ENTPD1: variants seen among roughly 807,000 people sequenced by gnomAD.
ENTPD1 encodes ectonucleoside triphosphate diphosphohydrolase 1.
A neutral mutation model predicts 57.0 loss-of-function variants in ENTPD1; 33 were observed. That is an observed-to-expected ratio of 0.58 (90% CI 0.44 to 0.77). ENTPD1 has a LOEUF of 0.77. Among genes scored for constraint, ENTPD1 ranks in the 30% least tolerant of loss-of-function variants. The pLI is 0.00. For missense variants in ENTPD1, 501 were observed against 603.4 expected (o/e 0.83, Z 1.78); for synonymous variants, 202 against 218.8 (o/e 0.92, Z 0.68).
At chr10:95,833,220 T>G (rs2098401544) in intron 2 of ENTPD1, among the ~76,000 whole-genome samples, 1 of 152,238 alleles carries the variant, frequency 6.6e-6, no homozygotes, top group Non-Finnish European at 1.5e-5. Flanking sequence ...CACAACAATG[T>G]GAATATCCTT....
intron 1 of ENTPD1, among the ~76,000 whole-genome samples, chr10:95,780,449 A>G (rs1000765928): frequency 2.6e-5 from 4 of 152,270 alleles, no homozygotes; most frequent in African/African-American, 7.2e-5. Flanking sequence ...TAAAACAGCA[A>G]TGACCTCAAG....
At chr10:95,829,644 T>G in intron 2 of ENTPD1, among the ~76,000 whole-genome samples, 1 of 152,194 alleles carries the variant, frequency 6.6e-6, no homozygotes, top group East Asian at 1.9e-4. Context: ...GATATATTCA[T>G]GCAGAGACAG....
At chr10:95,809,984 A>C (rs1265996083) in intron 1 of ENTPD1, among the ~76,000 whole-genome samples, 327 of 76,952 alleles carry the variant, frequency 4.2e-3, no homozygotes, top group Middle Eastern at 0.011. Flanking sequence ...ACCTCCCAGA[A>C]AGGGCGGCCG....
intron 1 of ENTPD1, among the ~76,000 whole-genome samples, chr10:95,774,379 G>A (rs1162593962): frequency 6.6e-6 from 1 of 152,110 alleles, no homozygotes. Context: ...CATTGCTTTT[G>A]GTGTTTTAGT....
At chr10:95,823,117 T>C in intron 1 of ENTPD1, 120 bp from the exon 2 acceptor site, 1 of 1,179,052 alleles carries the variant, frequency 8.5e-7, no homozygotes, top group Non-Finnish European at 1.2e-6. Context: ...ATAAAAAAGA[T>C]TGGCTTTTAA....
intron 1 of ENTPD1, among the ~76,000 whole-genome samples, chr10:95,813,357 T>C (rs2098316216): frequency 6.6e-6 from 1 of 152,206 alleles, no homozygotes; most frequent in African/African-American, 2.4e-5. Context: ...GTTCAAAAAA[T>C]GGTGGTGACC....
At chr10:95,808,836 AG>A (rs1472689769) in intron 1 of ENTPD1, among the ~76,000 whole-genome samples, 2 of 152,034 alleles carry the variant, frequency 1.3e-5, no homozygotes, top group African/African-American at 4.8e-5. Flanking sequence ...ACGTGAACAA[AG>A]GTCTCTGGTT....
chr10:95,800,321 G>C (rs1470450519), intron 1 of ENTPD1, among the ~76,000 whole-genome samples: 1 of 152,076 alleles, frequency 6.6e-6, no homozygotes, highest in Admixed American at 6.6e-5. Context: ...GAAAGGGGAG[G>C]GGGTGTATGA....
intron 2 of ENTPD1, among the ~76,000 whole-genome samples, chr10:95,827,724 T>G (rs2140629822): frequency 6.6e-6 from 1 of 152,254 alleles, no homozygotes; most frequent in East Asian, 1.9e-4. Context: ...CCTCATGATC[T>G]GCCCACCTTG....
At chr10:95,705,893 T>C in the ENTPD1 span, among the ~76,000 whole-genome samples, 790 of 152,198 alleles carry the variant, frequency 5.2e-3, 2 homozygotes, top group Non-Finnish European at 7.9e-3. Context: ...AGCTCAGGAG[T>C]TTGAGACCAG....
Position 95,839,688 on chromosome 10 carries a change from C to T in ENTPD1, c.145-3C>T. 1 of 1,614,092 alleles carries T rather than the reference C, an allele frequency of 6.2e-7. No individual in the cohort carries two copies. Among genetic ancestry groups the T allele is most frequent in the South Asian group, 1.1e-5 (1 of 91,068 alleles). On this transcript the variant is annotated splice_region_variant and splice_polypyrimidine_tract_variant and intron_variant, in intron 2 of 9. Coordinates refer to ENST00000371205, the MANE Select transcript of ENTPD1 (RefSeq NM_001776.6). ...ATAAGTTTTTGGTCTGTGTTGCTTT[C>T]AGTATGGGATTGTGCTGGATGCGGG...
intron 3 of ENTPD1, 82 bp from the exon 4 acceptor site, chr10:95,842,262 C>A: frequency 7.8e-7 from 1 of 1,289,624 alleles, no homozygotes; most frequent in Non-Finnish European, 1.1e-6. Context: ...TTTTTCAAAA[C>A]ACCATATTTT....
At chr10:95,841,779 T>G (rs1005695493) in intron 3 of ENTPD1, among the ~76,000 whole-genome samples, 1 of 152,324 alleles carries the variant, frequency 6.6e-6, no homozygotes, top group Admixed American at 6.5e-5. Flanking sequence ...ACAGTTTTGC[T>G]AGGGAGGCAG....
At chr10:95,819,089 A>G (rs1022991642) in intron 1 of ENTPD1, among the ~76,000 whole-genome samples, 2 of 152,156 alleles carry the variant, frequency 1.3e-5, no homozygotes, top group Admixed American at 1.3e-4. Flanking sequence ...AAGCTGTTAT[A>G]TTTTTGTTAT....
intron 7 of ENTPD1, among the ~76,000 whole-genome samples, chr10:95,850,118 G>A (rs547864198): frequency 6.6e-6 from 1 of 152,304 alleles, no homozygotes; most frequent in East Asian, 1.9e-4. Context: ...CTGGAAAAGG[G>A]TGGAGGAGTC....
rs114584614 is a variant in ENTPD1, at chr10:95,766,543, G to A, written c.16+10288G>A. 7.8e-3 allele frequency among the ~76,000 whole-genome samples: 1,187 copies of A among 152,058 alleles called. 16 individuals are homozygous for A. The highest frequency in any genetic ancestry group is 0.027 in the African/African-American group (1,120 of 41,504). On this transcript the variant is annotated intron_variant, in intron 1 of 9. Transcript: ENST00000371205. ...GTCTATTTACCTCTACTCATATTTT[G>A]TATGTTTTTGCAGTTCATATTTTGA...
chr10:95,816,630 C>G (rs1384257116), intron 1 of ENTPD1, among the ~76,000 whole-genome samples: 1 of 152,070 alleles, frequency 6.6e-6, no homozygotes, highest in Non-Finnish European at 1.5e-5. Flanking sequence ...GATGCAGCCA[C>G]AAGCCAAGGA....
chr10:95,715,647 T>C (rs2097970733), intron 1 of ENTPD1, among the ~76,000 whole-genome samples: 1 of 152,204 alleles, frequency 6.6e-6, no homozygotes, highest in South Asian at 2.1e-4. Context: ...CCTTCTTTTG[T>C]TTTAAATCAA....
intron 1 of ENTPD1, among the ~76,000 whole-genome samples, chr10:95,762,009 C>T (rs2098065723): frequency 6.6e-6 from 1 of 152,030 alleles, no homozygotes; most frequent in South Asian, 2.1e-4. Flanking sequence ...GGCTTGAAAA[C>T]TTGAGGGGGT....
Sources: allele counts gnomAD v4.1 joint callset (sites outside exome capture counted in the v4.1 genomes callset), GRCh38; gene constraint gnomAD v4.1.1; transcripts MANE v1.5; gene names NCBI Gene and HGNC (gene_info 2026-07-23, HGNC 2026-07-21).